CCR2: variants seen among roughly 807,000 people sequenced by gnomAD.
The protein encoded by CCR2 is C-C motif chemokine receptor 2.
For missense variants in CCR2, 408 were observed against 440.0 expected (o/e 0.93, Z 0.65); for synonymous variants, 183 against 177.1 (o/e 1.03, Z -0.27).
rs1315784701 is a variant in CCR2, at chr3:46,358,631, T to C, written c.*21T>C. 2 of 1,550,314 alleles carry C rather than the reference T, an allele frequency of 1.3e-6. No homozygotes were observed. Among genetic ancestry groups the C allele is most frequent in the South Asian group, 2.4e-5 (2 of 84,304 alleles). ...TATAAAACGAGGAGCAGTTTGATTG[T>C]TGTTTATAAAGGGAGATAACAATCT... On this transcript the variant is annotated 3_prime_UTR_variant, in exon 2 of 2. Transcript: ENST00000445132.
chr3:46,358,854 G>A lies in CCR2; in HGVS notation c.*244G>A, dbSNP rs1056210957. 1.3e-5 allele frequency: 17 copies of A among 1,274,644 alleles called. No homozygotes were observed. The South Asian group carries it at 3.5e-4, about 26-fold the overall frequency. 79.0% of individuals were successfully genotyped at this position (1,274,644 alleles called of 1,614,324 possible). On this transcript the variant is annotated 3_prime_UTR_variant, in exon 2 of 2. Coordinates refer to ENST00000445132, the MANE Select transcript of CCR2 (RefSeq NM_001123396.4). ...AAGCTCATCTCAGCTCCTGAAAAAT[G>A]CCTCATTACCTTGTGCTAATCCTCT...
Position 46,359,359 on chromosome 3 carries a change from A to T in CCR2, c.*749A>T, listed in dbSNP as rs924391982. On this transcript the variant is annotated 3_prime_UTR_variant, in exon 2 of 2. Transcript: ENST00000445132. Reference sequence around the variant, plus strand: ...CATCCCCCTGTCTAAAAATTCAGAAAATTTTTGTTTATAAAAGATGCATTA... The same window carrying T: ...CATCCCCCTGTCTAAAAATTCAGAATATTTTTGTTTATAAAAGATGCATTA... The T allele has an allele frequency of 3.1e-5, 33 of 1,051,112 alleles. No individual in the cohort carries two copies. Among genetic ancestry groups the T allele is most frequent in the Non-Finnish European group, 3.8e-5 (33 of 867,278 alleles). 65.1% of individuals were successfully genotyped at this position (1,051,112 alleles called of 1,614,324 possible). A position where few individuals can be genotyped will look rare whatever the true frequency, so the allele number is the denominator to read the frequency against.
chr3:46,359,080 C>T lies in CCR2; in HGVS notation c.*470C>T. On this transcript the variant is annotated 3_prime_UTR_variant, in exon 2 of 2. Transcript: ENST00000445132. ...CAAAGACAAAGGTGAGCAAAGGGCT[C>T]ACGCATTCAGCCAGGAGATGATACT... is the stretch of plus-strand genomic sequence containing the variant. 3 of 1,012,100 alleles carry T rather than the reference C, an allele frequency of 3.0e-6. No individual in the cohort carries two copies. The highest frequency in any genetic ancestry group is 3.6e-6 in the Non-Finnish European group (3 of 837,016). 62.7% of individuals were successfully genotyped at this position (1,012,100 alleles called of 1,614,324 possible).
chr3:46,354,481 A>C (rs983813414), intron 1 of CCR2, among the ~76,000 whole-genome samples: 73 of 152,326 alleles, frequency 4.8e-4, no homozygotes, highest in African/African-American at 1.7e-3. Flanking sequence ...CTGAGCACCC[A>C]AGGACGTTAA....
In CCR2 at chr3:46,359,922, C is replaced by G. The variant is rs1701522397; in HGVS notation, c.*1312C>G. On this transcript the variant is annotated 3_prime_UTR_variant, in exon 2 of 2. Coordinates refer to ENST00000445132, the MANE Select transcript of CCR2 (RefSeq NM_001123396.4). ...CGTCTGGCTTCACAGATGTGTGATT[C>G]ACAGTGTGAATCTTGGTGTCTACGT... The G allele has an allele frequency of 6.7e-7, 1 of 1,501,048 alleles. No individual in the cohort carries two copies. The highest frequency in any genetic ancestry group is 9.2e-7 in the Non-Finnish European group (1 of 1,091,778). The allele number at this position is 1,501,048 out of a possible 1,614,324, so 93.0% of individuals were successfully genotyped here.
Position 46,359,950 on chromosome 3 carries a change from C to T in CCR2, c.*1340C>T. 7.7e-7 allele frequency: 1 copy of T among 1,304,680 alleles called. No individual in the cohort carries two copies. Among genetic ancestry groups the T allele is most frequent in the Non-Finnish European group, 1.1e-6 (1 of 935,626 alleles). 80.8% of individuals were successfully genotyped at this position (1,304,680 alleles called of 1,614,324 possible). On this transcript the variant is annotated 3_prime_UTR_variant, in exon 2 of 2. Transcript: ENST00000445132. ...AGTGTGAATCTTGGTGTCTACGTTACCAGGCAGGAAGGCTGAGAGGAGAGA... is the reference window on the plus strand; with the variant it reads ...AGTGTGAATCTTGGTGTCTACGTTATCAGGCAGGAAGGCTGAGAGGAGAGA...
chr3:46,355,631 A>G (rs751642884), intron 1 of CCR2, among the ~76,000 whole-genome samples: 1 of 152,192 alleles, frequency 6.6e-6, no homozygotes, highest in Non-Finnish European at 1.5e-5. Flanking sequence ...AGGAAAGACT[A>G]CAACAAAGCC....
Position 46,358,391 on chromosome 3 carries a change from G to A in CCR2, c.864G>A (p.Gln288=), listed in dbSNP as rs770681163. Residue 288 remains glutamine (Q), a synonymous_variant, in exon 2 of 2, where the codon CAG becomes CAA. Transcript: ENST00000445132. ...ESTSQLDQAT[Q]VTETLGMTHC... is the part of the protein sequence containing the mutation. ...CCAGTCAACTGGACCAAGCCACGCA[G>A]GTGACAGAGACTCTTGGGATGACTC... The A allele has an allele frequency of 6.2e-7, 1 of 1,614,124 alleles. No individual in the cohort carries two copies. Among genetic ancestry groups the A allele is most frequent in the South Asian group, 1.1e-5 (1 of 91,082 alleles).
rs781058166 is a variant in CCR2, at chr3:46,359,118, C to T, written c.*508C>T. 5.0e-5 allele frequency: 50 copies of T among 1,007,156 alleles called. No homozygotes were observed. The highest frequency in any genetic ancestry group is 5.8e-5 in the Non-Finnish European group (48 of 834,328). The allele number at this position is 1,007,156 out of a possible 1,614,324, so 62.4% of individuals were successfully genotyped here. On this transcript the variant is annotated 3_prime_UTR_variant, in exon 2 of 2. Coordinates refer to ENST00000445132, the MANE Select transcript of CCR2 (RefSeq NM_001123396.4). The stretch of plus-strand genomic sequence containing the variant: ...AGGAGATGATACTGGTCCTTAGCCC[C>T]ATCTGCCACGTGTATTTAACCTTGA...
At position 46,358,674 on chromosome 3, in the gene CCR2, T is replaced by G. The variant is rs1701499566; in HGVS notation, c.*64T>G. On this transcript the variant is annotated 3_prime_UTR_variant, in exon 2 of 2. Coordinates refer to ENST00000445132, the MANE Select transcript of CCR2 (RefSeq NM_001123396.4). The stretch of plus-strand genomic sequence containing the variant: ...AACAATCTGTATATAACAACAAACT[T>G]CAAGGGTTTGTTGAACAATAGAAAC... 2 of 1,501,036 alleles carry G rather than the reference T, an allele frequency of 1.3e-6. No homozygotes were observed. The highest frequency in any genetic ancestry group is 1.3e-5 in the South Asian group (1 of 74,076). The allele number at this position is 1,501,036 out of a possible 1,614,324, so 93.0% of individuals were successfully genotyped here.
chr3:46,354,980 T>C (rs1200784224), intron 1 of CCR2: 1 of 152,118 alleles, frequency 6.6e-6, no homozygotes, highest in Non-Finnish European at 1.5e-5. Context: ...AAATTCACAG[T>C]CACTGCCAGA....
chr3:46,360,611 C>T lies in CCR2; in HGVS notation c.*2001C>T, dbSNP rs1701534905. ...CCCTGAAGTAAGCAAAGACTTTCCT[C>T]TTAGTCGAGCCAAGTTAAGAATGTT... On this transcript the variant is annotated 3_prime_UTR_variant, in exon 2 of 2. Transcript: ENST00000445132. 1 of 152,198 alleles carries T rather than the reference C, an allele frequency of 6.6e-6. No individual in the cohort carries two copies. Among genetic ancestry groups the T allele is most frequent in the Non-Finnish European group, 1.5e-5 (1 of 68,050 alleles). 9.4% of individuals were successfully genotyped at this position (152,198 alleles called of 1,614,324 possible).
rs754790837 is a variant in CCR2 at position 46,358,638 on chromosome 3, T to TAAAGGGAGATAAC, written c.*31_*43dup. The stretch of plus-strand genomic sequence containing the variant: ...CGAGGAGCAGTTTGATTGTTGTTTA[T>TAAAGGGAGATAAC]AAAGGGAGATAACAATCTGTATATA... On this transcript the variant is annotated 3_prime_UTR_variant, in exon 2 of 2. Transcript: ENST00000445132. The TAAAGGGAGATAAC allele has an allele frequency of 1.7e-4, 264 of 1,543,870 alleles. No homozygotes were observed. The highest frequency in any genetic ancestry group is 2.2e-4 in the Non-Finnish European group (252 of 1,142,558).
chr3:46,359,687 A>G lies in CCR2; in HGVS notation c.*1077A>G, dbSNP rs1462806380. 2 of 1,607,698 alleles carry G rather than the reference A, an allele frequency of 1.2e-6. No homozygotes were observed. Among genetic ancestry groups the G allele is most frequent in the African/African-American group, 2.7e-5 (2 of 74,322 alleles). ...CTCTTTTCCCCACAGCCTTTTTCAC[A>G]TAGCTCTTGGCTGTAGGATTGCCCC... On this transcript the variant is annotated 3_prime_UTR_variant, in exon 2 of 2. Transcript: ENST00000445132.
Position 46,360,064 on chromosome 3 carries a change from A to T in CCR2, c.*1454A>T, listed in dbSNP as rs1701525464. ...CAGGCATAGAGTTCAGACTTTTTTT[A>T]AATAGTAAAAATAAAATTAAAGCTG... On this transcript the variant is annotated 3_prime_UTR_variant, in exon 2 of 2. Transcript: ENST00000445132. The T allele has an allele frequency of 4.0e-6, 2 of 505,772 alleles. No homozygotes were observed. The highest frequency in any genetic ancestry group is 4.0e-5 in the Admixed American group (1 of 25,250). 31.3% of individuals were successfully genotyped at this position (505,772 alleles called of 1,614,324 possible).
Position 46,359,412 on chromosome 3 carries a change from CA to C in CCR2, c.*804del. 5 of 1,058,916 alleles carry C rather than the reference CA, an allele frequency of 4.7e-6. No homozygotes were observed. The highest frequency in any genetic ancestry group is 4.8e-6 in the Non-Finnish European group (4 of 841,090). The allele number at this position is 1,058,916 out of a possible 1,614,324, so 65.6% of individuals were successfully genotyped here. On this transcript the variant is annotated 3_prime_UTR_variant, in exon 2 of 2. Coordinates refer to ENST00000445132, the MANE Select transcript of CCR2 (RefSeq NM_001123396.4). The stretch of plus-strand genomic sequence containing the variant: ...TATGATATGCTAATATATGTATATG[CA>C]ATATATATAGGCTCTTGCTTGATCT...
In CCR2 at chr3:46,360,129, G is replaced by C; in HGVS notation, c.*1519G>C. ...TAAATGTGGTAAAGAGTTAGTTTGA[G>C]TTACTATCATGTCAAACGTGAAAAT... On this transcript the variant is annotated 3_prime_UTR_variant, in exon 2 of 2. Coordinates refer to ENST00000445132, the MANE Select transcript of CCR2 (RefSeq NM_001123396.4). 2.6e-6 allele frequency: 1 copy of C among 391,210 alleles called. No homozygotes were observed. The highest frequency in any genetic ancestry group is 5.8e-5 in the East Asian group (1 of 17,278). The allele number at this position is 391,210 out of a possible 1,614,324, so 24.2% of individuals were successfully genotyped here. A position where few individuals can be genotyped will look rare whatever the true frequency, so the allele number is the denominator to read the frequency against.
chr3:46,355,022 T>C (rs929996139), intron 1 of CCR2: 3 of 152,202 alleles, frequency 2.0e-5, no homozygotes, highest in Non-Finnish European at 2.9e-5. Context: ...GTCCTGATGA[T>C]GTTAGGGCTT....
rs1256556560 is a variant in CCR2 at position 46,358,809 on chromosome 3, A to G, written c.*199A>G. 4 of 1,373,168 alleles carry G rather than the reference A, an allele frequency of 2.9e-6. No homozygotes were observed. The highest frequency in any genetic ancestry group is 1.9e-5 in the South Asian group (1 of 53,484). 85.1% of individuals were successfully genotyped at this position (1,373,168 alleles called of 1,614,324 possible). On this transcript the variant is annotated 3_prime_UTR_variant, in exon 2 of 2. Transcript: ENST00000445132. The stretch of plus-strand genomic sequence containing the variant: ...GGAATAATCCAGAAAAACTGTGGGT[A>G]GAGACTTTGACTCTCCAGAAAGCTC...
Sources: allele counts gnomAD v4.1 joint callset (sites outside exome capture counted in the v4.1 genomes callset), GRCh38; gene constraint gnomAD v4.1.1; transcripts MANE v1.5; gene names NCBI Gene and HGNC (gene_info 2026-07-23, HGNC 2026-07-21).